BRAF: variants seen among roughly 807,000 people sequenced by gnomAD.
BRAF encodes B-Raf proto-oncogene, serine/threonine kinase.
Under a neutral mutation model 104.6 loss-of-function variants are expected in BRAF, and 16 were observed. The observed-to-expected ratio is 0.15, with a 90% CI of 0.10 to 0.23. The LOEUF is 0.23. Among genes scored for constraint, BRAF ranks in the 10% least tolerant of loss-of-function variants. The pLI is 1.00. For missense variants in BRAF, 541 were observed against 937.3 expected (o/e 0.58, Z 5.52); for synonymous variants, 310 against 341.6 (o/e 0.91, Z 1.02).
At chr7:140,755,913 T>G (rs1798164225) in intron 14 of BRAF, among the ~76,000 whole-genome samples, 1 of 151,774 alleles carries the variant, frequency 6.6e-6, no homozygotes, top group Non-Finnish European at 1.5e-5. Flanking sequence ...TTCTTTTTCC[T>G]GCAAGACTTA....
intron 4 of BRAF, chr7:140,808,431 G>A: frequency 5.3e-6 from 2 of 375,964 alleles, no homozygotes; most frequent in Non-Finnish European, 1.0e-5. Context: ...TCAAGGGACA[G>A]GGACAACATG....
intron 2 of BRAF, 89 bp from the exon 3 acceptor site, chr7:140,834,961 C>G: frequency 1.4e-6 from 2 of 1,469,294 alleles, no homozygotes; most frequent in Non-Finnish European, 1.9e-6. Flanking sequence ...TGATTATAAT[C>G]TTTTCACCAG....
chr7:140,827,039 T>C (rs1806135974), intron 3 of BRAF, among the ~76,000 whole-genome samples: 1 of 152,168 alleles, frequency 6.6e-6, no homozygotes, highest in African/African-American at 2.4e-5. Context: ...CATTCTGAAT[T>C]GTCTAATTGT....
In BRAF at chr7:140,734,667, C is replaced by T. The variant is rs767671899; in HGVS notation, c.2351G>A (p.Ser784Asn). ...NRAGFQTEDF[S>N]LYACASPKTP... Reference sequence around the variant, plus strand: ...TTTTGGAGAAGCACAAGCATATAGACTAAAATCCTCTGTTTGGAAACCAGC... The same window carrying T: ...TTTTGGAGAAGCACAAGCATATAGATTAAAATCCTCTGTTTGGAAACCAGC... The change falls in exon 19 of 20, where the codon AGT becomes AAT. Residue 784 changes from serine (S) to asparagine (N), a missense_variant. Around this residue, in one of 10 missense-constraint regions of BRAF, gnomAD observed 129 missense variants for 285.8 expected, o/e 0.45. Transcript: ENST00000644969. 5 of 1,612,564 alleles carry T rather than the reference C, an allele frequency of 3.1e-6. No homozygotes were observed. Among genetic ancestry groups the T allele is most frequent in the Admixed American group, 1.7e-5 (1 of 59,746 alleles).
intron 5 of BRAF, among the ~76,000 whole-genome samples, chr7:140,806,364 G>A (rs181225165): frequency 6.6e-6 from 1 of 152,278 alleles, no homozygotes. Context: ...CTATGGCAGT[G>A]ACACTGTCTT....
intron 2 of BRAF, among the ~76,000 whole-genome samples, chr7:140,849,744 G>A (rs940722138): frequency 3.9e-5 from 6 of 152,098 alleles, no homozygotes; most frequent in African/African-American, 1.4e-4. Context: ...GCTGGGAGGC[G>A]GAGGTTGTAG....
In BRAF at chr7:140,721,320, C is replaced by A; in HGVS notation, c.*5174G>T. 1 of 1,180,340 alleles carries A rather than the reference C, an allele frequency of 8.5e-7. No homozygotes were observed. Among genetic ancestry groups the A allele is most frequent in the Non-Finnish European group, 1.0e-6 (1 of 956,802 alleles). The allele number at this position is 1,180,340 out of a possible 1,614,324, so 73.1% of individuals were successfully genotyped here. ...ATTTTTTTTTTTTAAAGCACTGTTA[C>A]CTTAATTTAAGATTTTAGGAGTTGG... On this transcript the variant is annotated 3_prime_UTR_variant, in exon 20 of 20. Transcript: ENST00000644969.
At chr7:140,888,662 CCT>C (rs1421514899) in intron 1 of BRAF, among the ~76,000 whole-genome samples, 5 of 151,978 alleles carry the variant, frequency 3.3e-5, no homozygotes, top group Admixed American at 2.6e-4. Flanking sequence ...GTGGAGAAAC[CCT>C]GTCTCTACTA....
At chr7:140,741,314 AC>A (rs991247331) in intron 17 of BRAF, 3 of 152,256 alleles carry the variant, frequency 2.0e-5, no homozygotes, top group African/African-American at 7.2e-5. Context: ...CCGAGATAAT[AC>A]AGTTAAGTAA....
At chr7:140,895,922 C>A (rs1246436073) in intron 1 of BRAF, among the ~76,000 whole-genome samples, 1 of 152,146 alleles carries the variant, frequency 6.6e-6, no homozygotes, top group African/African-American at 2.4e-5. Flanking sequence ...GACTTCCCTT[C>A]CTTTGGGTAA....
At chr7:140,892,014 C>T (rs1814280481) in intron 1 of BRAF, among the ~76,000 whole-genome samples, 1 of 152,088 alleles carries the variant, frequency 6.6e-6, no homozygotes, top group Non-Finnish European at 1.5e-5. Flanking sequence ...CCAGCACTTT[C>T]GGAGGCCGAG....
downstream of BRAF, among the ~76,000 whole-genome samples, chr7:140,716,969 T>C (rs1229566263): frequency 6.6e-6 from 1 of 152,092 alleles, no homozygotes; most frequent in Non-Finnish European, 1.5e-5. Flanking sequence ...CTCCCTGAGG[T>C]GGCGTGTGGA....
In BRAF at chr7:140,719,474, C is replaced by CT. The variant is rs375085283; in HGVS notation, c.*7019dup. The CT allele has an allele frequency of 2.0e-6, 2 of 1,018,426 alleles. No individual in the cohort carries two copies. Among genetic ancestry groups the CT allele is most frequent in the South Asian group, 4.7e-5 (1 of 21,240 alleles). 63.1% of individuals were successfully genotyped at this position (1,018,426 alleles called of 1,614,324 possible). Reference sequence around the variant, plus strand: ...TTTCTTCAATCTGAATTTCAGCTATCTTTTTTTATTCTCCATGCTTTCTAT... The same window carrying CT: ...TTTCTTCAATCTGAATTTCAGCTATCTTTTTTTTATTCTCCATGCTTTCTAT... On this transcript the variant is annotated 3_prime_UTR_variant, in exon 20 of 20. Coordinates refer to ENST00000644969, the MANE Select transcript of BRAF (RefSeq NM_001374258.1).
At chr7:140,764,372 C>A (rs1202004122) in intron 14 of BRAF, among the ~76,000 whole-genome samples, 16 of 150,924 alleles carry the variant, frequency 1.1e-4, no homozygotes, top group African/African-American at 2.0e-4. Context: ...GAAGCATTCC[C>A]TTTGAAAACT....
intron 1 of BRAF, among the ~76,000 whole-genome samples, chr7:140,868,434 A>T (rs961407426): frequency 6.6e-6 from 1 of 152,240 alleles, no homozygotes; most frequent in African/African-American, 2.4e-5. Context: ...CTATAACATG[A>T]CCAAACCTTG....
intron 3 of BRAF, among the ~76,000 whole-genome samples, chr7:140,827,669 T>G (rs1362784424): frequency 6.6e-6 from 1 of 152,222 alleles, no homozygotes; most frequent in Non-Finnish European, 1.5e-5. Flanking sequence ...TTCCCACACA[T>G]TGATATTCAC....
rs1283793991 is a variant in BRAF, at chr7:140,722,382, A to G, written c.*4112T>C. On this transcript the variant is annotated 3_prime_UTR_variant, in exon 20 of 20. Coordinates refer to ENST00000644969, the MANE Select transcript of BRAF (RefSeq NM_001374258.1). ...AACCAGAGTGGCTGCTCTCTTCACAAATCACTGATTTCTGCTAAAATGTTA... is the reference window on the plus strand; with the variant it reads ...AACCAGAGTGGCTGCTCTCTTCACAGATCACTGATTTCTGCTAAAATGTTA... 2.8e-6 allele frequency: 3 copies of G among 1,054,498 alleles called. No individual in the cohort carries two copies. The highest frequency in any genetic ancestry group is 3.4e-6 in the Non-Finnish European group (3 of 872,684). 65.3% of individuals were successfully genotyped at this position (1,054,498 alleles called of 1,614,324 possible).
intron 1 of BRAF, among the ~76,000 whole-genome samples, chr7:140,919,464 T>G (rs1425362055): frequency 1.3e-5 from 2 of 149,652 alleles, no homozygotes; most frequent in Non-Finnish European, 3.0e-5. Context: ...GAATAATAGT[T>G]TTTTTTTTTA....
intron 7 of BRAF, 129 bp downstream of exon 7, chr7:140,800,230 TATG>T (rs1420275803): frequency 1.5e-6 from 2 of 1,345,578 alleles, no homozygotes; most frequent in African/African-American, 2.9e-5. Flanking sequence ...ATCTGAGTGG[TATG>T]ATAAGTTATT....
Sources: gnomAD v4.1 joint callset for allele counts (sites outside exome capture counted in the v4.1 genomes callset) on GRCh38, gnomAD v4.1.1 for gene constraint, gnomAD v4.1.1 regional missense constraint, MANE v1.5 for transcripts, NCBI Gene and HGNC (gene_info 2026-07-23, HGNC 2026-07-21) for gene names.